Variants in LAMC1 observed in about 807,000 individuals in gnomAD.
The protein encoded by LAMC1 is laminin subunit gamma-1.
In LAMC1, 38 loss-of-function variants were observed where a neutral mutation model predicts 173.6. The ratio of observed to expected loss-of-function variants is 0.22; its 90% confidence interval spans 0.17 to 0.29. LAMC1 has a LOEUF of 0.29. Ranked by LOEUF, LAMC1 falls within the 10% of genes least tolerant of loss-of-function variation. The pLI is 1.00. For synonymous variants in LAMC1, 746 were observed against 749.1 expected (o/e 1.00, Z 0.07); for missense variants, 1,824 against 2,051.8 (o/e 0.89, Z 2.14).
intron 1 of LAMC1, among the ~76,000 whole-genome samples, chr1:183,082,170 A>G (rs1319476137): frequency 6.6e-6 from 1 of 152,250 alleles, no homozygotes. Flanking sequence ...AAGTTTTGTC[A>G]ATTGTGAATA....
Position 183,063,115 on chromosome 1 carries a change from C to A in LAMC1, c.418+38981C>A, listed in dbSNP as rs189011513. ...GCAGAAAAACAGTTTTTGAATGTAC[C>A]TTGTAATATTTTAAGATGTTACTTT... On this transcript the variant is annotated intron_variant, in intron 1 of 27. Coordinates refer to ENST00000258341, the MANE Select transcript of LAMC1 (RefSeq NM_002293.4). Among the ~76,000 whole-genome samples, 467 of 152,190 alleles carry A rather than the reference C, an allele frequency of 3.1e-3. 3 individuals are homozygous for A. The highest frequency in any genetic ancestry group is 0.011 in the African/African-American group (447 of 41,512).
intron 1 of LAMC1, among the ~76,000 whole-genome samples, chr1:183,057,117 C>G (rs1336079474): frequency 6.6e-6 from 1 of 152,178 alleles, no homozygotes; most frequent in Non-Finnish European, 1.5e-5. Flanking sequence ...TATTGAGATT[C>G]TTGAGCTTTC....
At chr1:183,140,245 C>CAAA (rs56152259) in intron 26 of LAMC1, among the ~76,000 whole-genome samples, 159 bp from the exon 27 acceptor site, 28 of 52,892 alleles carry the variant, frequency 5.3e-4, no homozygotes, top group African/African-American at 1.2e-3. Context: ...GCAGCCCCAC[C>CAAA]AAAAAAAAAA....
chr1:183,031,788 A>G (rs1014949292), intron 1 of LAMC1, among the ~76,000 whole-genome samples: 2 of 152,220 alleles, frequency 1.3e-5, no homozygotes, highest in Non-Finnish European at 2.9e-5. Context: ...GTCAGCTTGA[A>G]AGTGTAAAAT....
intron 1 of LAMC1, among the ~76,000 whole-genome samples, chr1:183,031,935 GA>G (rs11383690): frequency 5.3e-5 from 8 of 150,514 alleles, no homozygotes; most frequent in East Asian, 2.0e-4. Context: ...AAAGATTAAA[GA>G]AAAAAAAACA....
intron 2 of LAMC1, among the ~76,000 whole-genome samples, chr1:183,107,493 G>T (rs1475257098): frequency 1.3e-5 from 2 of 152,146 alleles, no homozygotes; most frequent in Non-Finnish European, 2.9e-5. Flanking sequence ...CCTCAGATCT[G>T]TCAGTAGGGG....
chr1:183,126,045 T>G, intron 15 of LAMC1, 75 bp from the exon 16 acceptor site: 1 of 1,365,510 alleles, frequency 7.3e-7, no homozygotes, highest in Non-Finnish European at 1.0e-6. Flanking sequence ...ACATCAGTGC[T>G]ATACTAAAAA....
At chr1:183,128,987 C>T (rs571638146) in intron 18 of LAMC1, among the ~76,000 whole-genome samples, 41 of 151,330 alleles carry the variant, frequency 2.7e-4, no homozygotes, top group African/African-American at 9.5e-4. Context: ...ATTCGATATT[C>T]AAATTTCAAG....
At chr1:183,073,351 G>A (rs1655056314) in intron 1 of LAMC1, among the ~76,000 whole-genome samples, 1 of 152,168 alleles carries the variant, frequency 6.6e-6, no homozygotes, top group Admixed American at 6.5e-5. Context: ...AGCCTTAAAT[G>A]CCTTTTCCAA....
intron 1 of LAMC1, among the ~76,000 whole-genome samples, chr1:183,080,962 C>T (rs969386423): frequency 1.3e-5 from 2 of 152,118 alleles, no homozygotes; most frequent in African/African-American, 2.4e-5. Context: ...GATCTTGGCT[C>T]ACTGCAACCC....
chr1:183,025,724 T>C (rs975811324), intron 1 of LAMC1, among the ~76,000 whole-genome samples: 3 of 152,266 alleles, frequency 2.0e-5, no homozygotes, highest in Non-Finnish European at 4.4e-5. Context: ...GAAGTCTTAT[T>C]TTTTTCATTT....
chr1:183,093,521 T>C (rs1478380650), intron 1 of LAMC1, among the ~76,000 whole-genome samples: 1 of 152,198 alleles, frequency 6.6e-6, no homozygotes, highest in Admixed American at 6.5e-5. Context: ...ACCCAGTCTG[T>C]GTACCTCTTA....
intron 1 of LAMC1, among the ~76,000 whole-genome samples, chr1:183,071,782 G>A (rs1655018463): frequency 6.6e-6 from 1 of 152,196 alleles, no homozygotes; most frequent in Non-Finnish European, 1.5e-5. Flanking sequence ...GCCGTCTTAA[G>A]TTCCCAAACA....
chr1:183,114,155 C>T (rs959545728), intron 4 of LAMC1, among the ~76,000 whole-genome samples: 1 of 152,120 alleles, frequency 6.6e-6, no homozygotes, highest in South Asian at 2.1e-4. Context: ...CTGCAACCTC[C>T]GCCTCTCAGG....
chr1:183,127,166 T>A, intron 16 of LAMC1, 60 bp from the exon 17 acceptor site: 1 of 1,496,102 alleles, frequency 6.7e-7, no homozygotes, highest in Non-Finnish European at 9.2e-7. Context: ...TCAGTCTGAA[T>A]TAAGAGATAT....
intron 1 of LAMC1, among the ~76,000 whole-genome samples, chr1:183,086,343 T>G (rs772867334): frequency 2.0e-5 from 3 of 152,216 alleles, no homozygotes; most frequent in African/African-American, 4.8e-5. Flanking sequence ...GGAGTTCAGT[T>G]TAGTTCCACT....
chr1:183,079,232 G>GTTTT lies in LAMC1; in HGVS notation c.419-24059_419-24056dup, dbSNP rs796732672. On this transcript the variant is annotated intron_variant, in intron 1 of 27. Transcript: ENST00000258341. ...AAGCAACTTTCTGATCTCTAATCTG[G>GTTTT]TTTTTTTTTTTTTTTTTTTTTTTTT... Among the ~76,000 whole-genome samples the GTTTT allele has an allele frequency of 1.6e-4, 10 of 62,838 alleles. 1 individual carries two copies. The highest frequency in any genetic ancestry group is 5.9e-4 in the South Asian group (1 of 1,696). The allele number at this position is 62,838 out of a possible 152,430, so 41.2% of individuals were successfully genotyped here.
In LAMC1 at chr1:183,121,715, A is replaced by C; in HGVS notation, c.1991-8A>C. 2 of 1,611,960 alleles carry C rather than the reference A, an allele frequency of 1.2e-6. No individual in the cohort carries two copies. The highest frequency in any genetic ancestry group is 1.7e-6 in the Non-Finnish European group (2 of 1,178,988). On this transcript the variant is annotated splice_region_variant and splice_polypyrimidine_tract_variant and intron_variant, in intron 11 of 27. Transcript: ENST00000258341. ...GTTCAGTGATTTTCTTTTCCTCACT[A>C]TACACAGGTGCTGGATATTTGGATG...
chr1:183,091,739 T>C (rs1655572308), intron 1 of LAMC1, among the ~76,000 whole-genome samples: 1 of 152,186 alleles, frequency 6.6e-6, no homozygotes, highest in Admixed American at 6.5e-5. Flanking sequence ...TGTTTTCTTA[T>C]CTTTTTGAGT....
Sources: gnomAD v4.1 joint callset for allele counts (sites outside exome capture counted in the v4.1 genomes callset) on GRCh38, gnomAD v4.1.1 for gene constraint, MANE v1.5 for transcripts, NCBI Gene and HGNC (gene_info 2026-07-23, HGNC 2026-07-21) for gene names.